DTNA: variants seen among roughly 807,000 people sequenced by gnomAD.
DTNA encodes dystrophin-related protein 3.
In DTNA, 43 loss-of-function variants were observed where a neutral mutation model predicts 100.7. The observed-to-expected ratio is 0.43, with a 90% CI of 0.33 to 0.55. The LOEUF is 0.55. Ranked by LOEUF, DTNA falls within the 20% of genes least tolerant of loss-of-function variation. The pLI is 0.04. For missense variants in DTNA, 798 were observed against 953.9 expected (o/e 0.84, Z 2.15); for synonymous variants, 349 against 347.9 (o/e 1.00, Z -0.04).
chr18:34,572,238 A>G (rs2083282), intron 1 of DTNA, among the ~76,000 whole-genome samples: 45 of 152,198 alleles, frequency 3.0e-4, no homozygotes, highest in Non-Finnish European at 5.4e-4. Context: ...GACTGGGCCA[A>G]TCGTTGTTAT....
At chr18:34,670,737 G>A (rs55912324) in intron 1 of DTNA, among the ~76,000 whole-genome samples, 15,754 of 152,214 alleles carry the variant, frequency 0.1, 1,136 homozygotes, top group African/African-American at 0.2. Context: ...CAGAACAGCG[G>A]ATATTGCTGA....
exon 1 of DTNA, chr18:34,493,323 A>T (rs1016574242): frequency 3.3e-5 from 5 of 152,240 alleles, no homozygotes; most frequent in Non-Finnish European, 7.3e-5. Flanking sequence ...TCCTCAGGAA[A>T]CCCTGGTACT....
chr18:34,877,931 AT>A lies in DTNA; in HGVS notation c.1993+127del, dbSNP rs1488635642. ...AAGATTCTTTAAAGCTCTATGTGAT[AT>A]TTTGTTGGTCTATTCAGATTTGAGG... On this transcript the variant is annotated intron_variant, in intron 19 of 22. Coordinates refer to ENST00000444659, the MANE Select transcript of DTNA (RefSeq NM_001386795.1). 6.4e-6 allele frequency: 6 copies of A among 930,242 alleles called. No homozygotes were observed. In the Admixed American group the frequency reaches 1.3e-4, roughly 21 times the overall value. The allele number at this position is 930,242 out of a possible 1,614,324, so 57.6% of individuals were successfully genotyped here. A position where few individuals can be genotyped will look rare whatever the true frequency, so the allele number is the denominator to read the frequency against.
intron 4 of DTNA, among the ~76,000 whole-genome samples, chr18:34,802,853 A>T (rs1197644463): frequency 2.6e-5 from 4 of 152,178 alleles, no homozygotes; most frequent in Middle Eastern, 3.2e-3. Flanking sequence ...TTTCCTACTC[A>T]CAATACAACT....
chr18:34,691,730 T>C (rs1048029879), intron 1 of DTNA, among the ~76,000 whole-genome samples: 1 of 152,206 alleles, frequency 6.6e-6, no homozygotes, highest in African/African-American at 2.4e-5. Context: ...GTTCCTTTAC[T>C]TTTGCACATG....
intron 4 of DTNA, among the ~76,000 whole-genome samples, chr18:34,797,056 T>A (rs1350548949): frequency 6.6e-6 from 1 of 152,214 alleles, no homozygotes; most frequent in Non-Finnish European, 1.5e-5. Context: ...TCAGAAGATA[T>A]GATAACTACA....
At chr18:34,726,370 T>G (rs906148580) in intron 1 of DTNA, among the ~76,000 whole-genome samples, 1 of 152,206 alleles carries the variant, frequency 6.6e-6, no homozygotes, top group Non-Finnish European at 1.5e-5. Flanking sequence ...CTCTTCCTCA[T>G]AGCCTCCAAG....
intron 16 of DTNA, among the ~76,000 whole-genome samples, chr18:34,859,593 A>T (rs936847481): frequency 6.6e-5 from 10 of 152,188 alleles, no homozygotes; most frequent in Admixed American, 5.9e-4. Flanking sequence ...AGTACTTTCC[A>T]TTATTCATCT....
intron 1 of DTNA, among the ~76,000 whole-genome samples, chr18:34,555,664 G>A (rs1010078743): frequency 1.3e-5 from 2 of 152,122 alleles, no homozygotes; most frequent in African/African-American, 4.8e-5. Flanking sequence ...AGGTTGTTCA[G>A]TTTCCATGTA....
chr18:34,560,078 T>C (rs1426696668), intron 1 of DTNA, among the ~76,000 whole-genome samples: 1 of 152,204 alleles, frequency 6.6e-6, no homozygotes, highest in Non-Finnish European at 1.5e-5. Flanking sequence ...ACTACCATGC[T>C]TGGCCTGACA....
intron 1 of DTNA, among the ~76,000 whole-genome samples, chr18:34,597,157 C>T (rs1331282502): frequency 6.6e-6 from 1 of 152,096 alleles, no homozygotes; most frequent in African/African-American, 2.4e-5. Flanking sequence ...CCAGCTTCAT[C>T]CATGTCCCTG....
chr18:34,879,270 GA>G lies in DTNA; in HGVS notation c.1994-276del, dbSNP rs548666893. ...TTTTAGTTAAGTCTCTTACAGAAAGGAAAAAGTAGAAGTCTTAAAGAGTTAA... is the reference window on the plus strand; with the variant it reads ...TTTTAGTTAAGTCTCTTACAGAAAGGAAAAGTAGAAGTCTTAAAGAGTTAA... On this transcript the variant is annotated intron_variant, in intron 19 of 22. Transcript: ENST00000444659. Among the ~76,000 whole-genome samples, 16 of 152,160 alleles carry G rather than the reference GA, an allele frequency of 1.1e-4. No homozygotes were observed. The South Asian group carries it at 3.1e-3, about 30-fold the overall frequency.
At chr18:34,776,492 CCACCACACCT>C (rs2094057414) in intron 3 of DTNA, among the ~76,000 whole-genome samples, 2 of 152,162 alleles carry the variant, frequency 1.3e-5, no homozygotes, top group Non-Finnish European at 2.9e-5. Flanking sequence ...CAGGCACTTG[CCACCACACCT>C]GACTAATCTT....
At position 34,880,450 on chromosome 18, in the gene DTNA, A is replaced by G. The variant is rs78468383; in HGVS notation, c.2162+731A>G. ...AAGGAGAAAAACAAAAGAAATGAAG[A>G]AAGTGGCCCATTAAATGACCATGGT... On this transcript the variant is annotated intron_variant, in intron 20 of 22. Transcript: ENST00000444659. Among the ~76,000 whole-genome samples, 797 of 152,278 alleles carry G rather than the reference A, an allele frequency of 5.2e-3. 7 individuals carry two copies. The highest frequency in any genetic ancestry group is 0.018 in the African/African-American group (752 of 41,556).
chr18:34,793,890 G>A (rs1380597999), intron 3 of DTNA, 147 bp from the exon 4 acceptor site: 2 of 769,988 alleles, frequency 2.6e-6, no homozygotes, highest in Non-Finnish European at 4.4e-6. Flanking sequence ...ATAATGCACA[G>A]CCTATGTTCA....
chr18:34,740,809 A>C (rs1245388172), intron 1 of DTNA, among the ~76,000 whole-genome samples: 1 of 151,772 alleles, frequency 6.6e-6, no homozygotes, highest in Non-Finnish European at 1.5e-5. Context: ...AACAGGAAAA[A>C]AAAAAAAGAA....
chr18:34,768,024 G>C (rs1353845887), intron 3 of DTNA, among the ~76,000 whole-genome samples: 1 of 152,132 alleles, frequency 6.6e-6, no homozygotes, highest in African/African-American at 2.4e-5. Flanking sequence ...CAAGGAAAAT[G>C]TTCCCACAGA....
At chr18:34,538,945 A>G (rs2043985944) in intron 1 of DTNA, among the ~76,000 whole-genome samples, 1 of 152,014 alleles carries the variant, frequency 6.6e-6, no homozygotes, top group South Asian at 2.1e-4. Context: ...AAGAGACACT[A>G]ATGAATAGTA....
intron 17 of DTNA, among the ~76,000 whole-genome samples, chr18:34,864,443 C>T (rs566863429): frequency 2.0e-5 from 3 of 150,966 alleles, no homozygotes; most frequent in South Asian, 4.2e-4. Flanking sequence ...TTAGTAGAGA[C>T]GGGCTTTCAC....
Sources: gnomAD v4.1 joint callset for allele counts (sites outside exome capture counted in the v4.1 genomes callset) on GRCh38, gnomAD v4.1.1 for gene constraint, MANE v1.5 for transcripts, NCBI Gene and HGNC (gene_info 2026-07-23, HGNC 2026-07-21) for gene names.